The following DTWD2 variants were observed in gnomAD, a reference collection of about 807,000 sequenced individuals.
DTWD2 encodes tRNA-uridine aminocarboxypropyltransferase 2.
Under a neutral mutation model 31.8 loss-of-function variants are expected in DTWD2, and 39 were observed. That is an observed-to-expected ratio of 1.22 (90% CI 0.95 to 1.60). The LOEUF (loss-of-function observed/expected upper bound fraction) is 1.60. Among genes scored for constraint, DTWD2 ranks in the 40% most tolerant of loss-of-function variants. The probability of loss-of-function intolerance (pLI) is 0.00; values close to 1 mark genes in which losing one functional copy is unlikely to be tolerated. For synonymous variants in DTWD2, 180 were observed against 142.8 expected, an observed-to-expected ratio of 1.26 and a Z score of -1.86; for missense variants, 515 against 381.5, an observed-to-expected ratio of 1.35 and a Z score of -2.92.
chr5:118,958,418 A>G lies in DTWD2; in HGVS notation c.219-13769T>C, dbSNP rs1379421868. ...GTTTGCAGTGAGCCGGGATCACGCC[A>G]CTACACTCCAGCCAGGGCAACAAAG... On this transcript the variant is annotated intron_variant, in intron 1 of 5. Coordinates refer to ENST00000510708, the MANE Select transcript of DTWD2 (RefSeq NM_173666.4). Among the ~76,000 whole-genome samples, 7 of 152,076 alleles carry G rather than the reference A, an allele frequency of 4.6e-5. No homozygotes were observed. In the East Asian group the frequency reaches 1.3e-3, roughly 29 times the overall value.
intron 5 of DTWD2, among the ~76,000 whole-genome samples, chr5:118,846,848 C>A (rs1751865400): frequency 6.7e-6 from 1 of 149,434 alleles, no homozygotes; most frequent in Non-Finnish European, 1.5e-5. Context: ...TATGTTCCTT[C>A]ATGAATTTTT....
chr5:118,966,010 T>C (rs1261061678), intron 1 of DTWD2, among the ~76,000 whole-genome samples: 1 of 151,878 alleles, frequency 6.6e-6, no homozygotes, highest in African/African-American at 2.4e-5. Flanking sequence ...GAAGTATCTC[T>C]TAATTCCTTG....
chr5:118,961,746 T>C (rs1204795903), intron 1 of DTWD2, among the ~76,000 whole-genome samples: 1 of 152,216 alleles, frequency 6.6e-6, no homozygotes, highest in Non-Finnish European at 1.5e-5. Context: ...TTTAAAACAC[T>C]GATTTTTGTA....
intron 1 of DTWD2, among the ~76,000 whole-genome samples, chr5:118,986,176 C>T (rs777887881): frequency 1.3e-5 from 2 of 151,660 alleles, no homozygotes; most frequent in Non-Finnish European, 2.9e-5. Context: ...GGAGATCAGC[C>T]AAGGTTTTGT....
At chr5:118,890,699 T>C (rs1032015885) in intron 4 of DTWD2, among the ~76,000 whole-genome samples, 10 of 150,314 alleles carry the variant, frequency 6.7e-5, no homozygotes, top group Non-Finnish European at 8.8e-5. Context: ...GCCTCCAAAG[T>C]AGCTGGGACT....
chr5:118,852,826 A>G (rs987911159), intron 4 of DTWD2, among the ~76,000 whole-genome samples: 6 of 152,146 alleles, frequency 3.9e-5, no homozygotes, highest in Admixed American at 3.9e-4. Flanking sequence ...GGAATCAATC[A>G]TGATGGATTG....
At chr5:118,875,563 GAAAAAAAAAAA>G (rs34990814) in intron 4 of DTWD2, among the ~76,000 whole-genome samples, 4 of 44,554 alleles carry the variant, frequency 9.0e-5, no homozygotes, top group African/African-American at 2.5e-4. Context: ...CCTAGTTTCT[GAAAAAAAAAAA>G]AAAAAAAAAA....
chr5:118,838,199 C>T lies in DTWD2; in HGVS notation c.*2718G>A, dbSNP rs1172522026. ...AAGAAACTCTCAATACCTCTCATTACACGCAGTGATTTTCAACATACTATA... is the reference window on the plus strand; with the variant it reads ...AAGAAACTCTCAATACCTCTCATTATACGCAGTGATTTTCAACATACTATA... On this transcript the variant is annotated 3_prime_UTR_variant, in exon 6 of 6. Transcript: ENST00000510708. The T allele has an allele frequency of 1.3e-5, 2 of 152,156 alleles. No homozygotes were observed. The highest frequency in any genetic ancestry group is 2.4e-5 in the African/African-American group (1 of 41,440). 9.4% of individuals were successfully genotyped at this position (152,156 alleles called of 1,614,324 possible).
Position 118,974,030 on chromosome 5 carries a change from G to A in DTWD2, c.218+14264C>T. 5 of 1,604,740 alleles carry A rather than the reference G, an allele frequency of 3.1e-6. 1 individual carries two copies. The highest frequency in any genetic ancestry group is 8.5e-7 in the Non-Finnish European group (1 of 1,174,022). The stretch of plus-strand genomic sequence containing the variant: ...TGAGGAAGAGGATGGAGATGAAGAT[G>A]AGGAAGCTGAGACAGCTACGGGCAA... On this transcript the variant is annotated intron_variant, in intron 1 of 5. Transcript: ENST00000510708.
intron 4 of DTWD2, among the ~76,000 whole-genome samples, chr5:118,857,766 T>G (rs1397696528): frequency 6.6e-6 from 1 of 152,198 alleles, no homozygotes; most frequent in Non-Finnish European, 1.5e-5. Context: ...CTGTTCCCAC[T>G]AGCCAGAGTG....
chr5:118,944,499 T>C, intron 2 of DTWD2, 60 bp downstream of exon 2: 1 of 1,503,792 alleles, frequency 6.6e-7, no homozygotes. Flanking sequence ...ATGTTTATCT[T>C]CGTGTTTCCT....
At chr5:118,921,015 T>C (rs1391007035) in intron 4 of DTWD2, among the ~76,000 whole-genome samples, 1 of 152,156 alleles carries the variant, frequency 6.6e-6, no homozygotes, top group Non-Finnish European at 1.5e-5. Flanking sequence ...AAATTATCCT[T>C]TTGCATATAG....
intron 4 of DTWD2, among the ~76,000 whole-genome samples, chr5:118,908,143 GT>G (rs1158101744): frequency 5.9e-5 from 9 of 152,186 alleles, no homozygotes; most frequent in African/African-American, 2.2e-4. Flanking sequence ...AACAGATGTA[GT>G]TTTCCCTGTT....
intron 3 of DTWD2, among the ~76,000 whole-genome samples, chr5:118,932,643 A>G (rs1561460773): frequency 6.6e-6 from 1 of 152,212 alleles, no homozygotes; most frequent in Non-Finnish European, 1.5e-5. Context: ...TGGTATGATT[A>G]TAAGAAGAGG....
Position 118,928,703 on chromosome 5 carries a change from C to T in DTWD2, c.431G>A (p.Arg144Gln), listed in dbSNP as rs759367172. 4.1e-5 allele frequency: 65 copies of T among 1,569,486 alleles called. No homozygotes were observed. Among genetic ancestry groups the T allele is most frequent in the South Asian group, 8.8e-5 (7 of 79,554 alleles). ...ATATAATATTAATGTACCAGACTTC[C>T]GGCAAACAGTTGAAAGTTCAGGATC... ...ERDPELSTVC[R>Q]KSGTLILYPG... The change falls in exon 4 of 6, where the codon CGG becomes CAG. Residue 144 changes from arginine (R) to glutamine (Q), a missense_variant. Physicochemically the swap from Arg to Gln is conservative, Grantham distance 43. Coordinates refer to ENST00000510708, the MANE Select transcript of DTWD2 (RefSeq NM_173666.4).
At chr5:118,868,223 T>C (rs981230724) in intron 4 of DTWD2, among the ~76,000 whole-genome samples, 3 of 151,836 alleles carry the variant, frequency 2.0e-5, no homozygotes, top group Non-Finnish European at 2.9e-5. Flanking sequence ...CAAAAGAATG[T>C]TGTTGGGCCC....
intron 1 of DTWD2, among the ~76,000 whole-genome samples, chr5:118,974,938 T>C (rs539312431): frequency 6.6e-6 from 1 of 152,344 alleles, no homozygotes; most frequent in Non-Finnish European, 1.5e-5. Flanking sequence ...CCAACCTTTC[T>C]CTCTGGCTGC....
chr5:118,951,553 A>G (rs1478164303), intron 1 of DTWD2, among the ~76,000 whole-genome samples: 2 of 152,106 alleles, frequency 1.3e-5, no homozygotes, highest in Non-Finnish European at 2.9e-5. Flanking sequence ...CAAAAGTGAC[A>G]TTTTCTGGCT....
At chr5:118,920,274 A>G (rs1281313085) in intron 4 of DTWD2, among the ~76,000 whole-genome samples, 2 of 152,154 alleles carry the variant, frequency 1.3e-5, no homozygotes, top group Non-Finnish European at 2.9e-5. Context: ...GGTATCATAT[A>G]TATTACACTG....
Sources: allele counts gnomAD v4.1 joint callset (sites outside exome capture counted in the v4.1 genomes callset), GRCh38; gene constraint gnomAD v4.1.1; transcripts MANE v1.5; gene names NCBI Gene and HGNC (gene_info 2026-07-23, HGNC 2026-07-21).